The following GIGYF2 variants were observed in gnomAD, a reference collection of about 807,000 sequenced individuals.
GIGYF2 encodes GRB10 interacting GYF protein 2, also known as GRB10-interacting GYF protein 2.
A neutral mutation model predicts 208.1 loss-of-function variants in GIGYF2; 25 were observed. That is an observed-to-expected ratio of 0.12 (90% CI 0.09 to 0.17). GIGYF2 has a LOEUF of 0.17. Ranked by LOEUF, GIGYF2 falls within the 10% of genes least tolerant of loss-of-function variation. GIGYF2 has a pLI of 1.00. For missense variants in GIGYF2, 1,302 were observed against 1,579.4 expected, an observed-to-expected ratio of 0.82 and a Z score of 2.98; for synonymous variants, 534 against 543.8, an observed-to-expected ratio of 0.98 and a Z score of 0.25.
chr2:232,820,212 CTG>C (rs1365886148), intron 21 of GIGYF2, among the ~76,000 whole-genome samples: 9 of 151,990 alleles, frequency 5.9e-5, no homozygotes, highest in African/African-American at 2.2e-4. Flanking sequence ...TTTTGCTCAG[CTG>C]TATAGTGGAA....
Position 232,822,553 on chromosome 2 carries a change from C to T in GIGYF2, c.2529+2568C>T, listed in dbSNP as rs138903850. On this transcript the variant is annotated intron_variant, in intron 21 of 28. Transcript: ENST00000373563. Reference sequence around the variant, plus strand: ...AAAATTAGCTGGGCGTGGTGGCGTGCGCCTGTAATCCCAGTTACTTGGGTG... The same window carrying T: ...AAAATTAGCTGGGCGTGGTGGCGTGTGCCTGTAATCCCAGTTACTTGGGTG... Among the ~76,000 whole-genome samples the T allele has an allele frequency of 4.2e-3, 646 of 152,176 alleles. 3 individuals are homozygous for T. The highest frequency in any genetic ancestry group is 0.015 in the African/African-American group (606 of 41,532).
chr2:232,805,116 T>C (rs1700520558), intron 14 of GIGYF2, among the ~76,000 whole-genome samples: 1 of 152,182 alleles, frequency 6.6e-6, no homozygotes, highest in Non-Finnish European at 1.5e-5. Flanking sequence ...AAAAATCTTT[T>C]TATGTTTGTT....
chr2:232,809,547 G>A (rs1559448332), intron 15 of GIGYF2, among the ~76,000 whole-genome samples, 173 bp from the exon 16 acceptor site: 2 of 152,266 alleles, frequency 1.3e-5, no homozygotes, highest in East Asian at 3.9e-4. Context: ...ACTAGATGGT[G>A]TTGTTTAGTT....
At chr2:232,778,779 G>C (rs1224981378) in intron 8 of GIGYF2, among the ~76,000 whole-genome samples, 1 of 152,134 alleles carries the variant, frequency 6.6e-6, no homozygotes, top group Non-Finnish European at 1.5e-5. Context: ...TTGACAAGCT[G>C]TGGGAAAATG....
chr2:232,706,892 G>A (rs1309265844), intron 2 of GIGYF2, among the ~76,000 whole-genome samples: 1 of 150,280 alleles, frequency 6.7e-6, no homozygotes, highest in African/African-American at 2.5e-5. Context: ...GCTGTACTGA[G>A]CCGTGATTGC....
At chr2:232,716,374 G>GTTTTTTTTT (rs397988241) in intron 2 of GIGYF2, among the ~76,000 whole-genome samples, 59 of 100,268 alleles carry the variant, frequency 5.9e-4, no homozygotes, top group Non-Finnish European at 8.3e-4. Flanking sequence ...GGTGTTATTT[G>GTTTTTTTTT]TTTTTTTTTT....
At chr2:232,854,408 G>A (rs1052750653) in intron 28 of GIGYF2, among the ~76,000 whole-genome samples, 1 of 152,134 alleles carries the variant, frequency 6.6e-6, no homozygotes, top group Non-Finnish European at 1.5e-5. Flanking sequence ...TGGGAGGATC[G>A]CTTCAGCCTG....
In GIGYF2 at chr2:232,806,599, T is replaced by C. The variant is rs779014258; in HGVS notation, c.1748T>C (p.Ile583Thr). 10 of 1,613,170 alleles carry C rather than the reference T, an allele frequency of 6.2e-6. No homozygotes were observed. In the South Asian group the frequency reaches 9.9e-5, roughly 16 times the overall value. ...CDESFQPLGD[I>T]MKMWGRVPFS... Reference sequence around the variant, plus strand: ...GAAAGCTTCCAACCTCTTGGCGATATCATGAAAATGTGGGGAAGGGTTCCC... The same window carrying C: ...GAAAGCTTCCAACCTCTTGGCGATACCATGAAAATGTGGGGAAGGGTTCCC... Residue 583 changes from isoleucine (I) to threonine (T), a missense_variant, in exon 15 of 29, where the codon ATC becomes ACC. Coordinates refer to ENST00000373563, the MANE Select transcript of GIGYF2 (RefSeq NM_001103146.3). This position sits in a 1 kb window ranked among gnomAD's most constrained non-coding sequence, Gnocchi z 4.0.
intron 8 of GIGYF2, among the ~76,000 whole-genome samples, chr2:232,782,075 C>T (rs906733015): frequency 6.6e-6 from 1 of 152,038 alleles, no homozygotes; most frequent in African/African-American, 2.4e-5. Context: ...TATGTCTCAG[C>T]CTTATCTTTG....
At position 232,815,623 on chromosome 2, in the gene GIGYF2, T is replaced by TTG; in HGVS notation, c.2108-12_2108-11dup. The TTG allele has an allele frequency of 7.4e-7, 1 of 1,348,976 alleles. No individual in the cohort carries two copies. The highest frequency in any genetic ancestry group is 1.1e-6 in the Non-Finnish European group (1 of 937,952). The allele number at this position is 1,348,976 out of a possible 1,614,324, so 83.6% of individuals were successfully genotyped here. A position where few individuals can be genotyped will look rare whatever the true frequency, so the allele number is the denominator to read the frequency against. The stretch of plus-strand genomic sequence containing the variant: ...GCTCTGTCATTCCTCGTTGTTTCTT[T>TTG]TGTTGTCTTACAGTTTGGGAAGGTG... On this transcript the variant is annotated splice_polypyrimidine_tract_variant and intron_variant, in intron 18 of 28. Transcript: ENST00000373563.
chr2:232,797,055 G>C (rs182403188), intron 14 of GIGYF2, among the ~76,000 whole-genome samples: 2 of 149,428 alleles, frequency 1.3e-5, no homozygotes, highest in Non-Finnish European at 1.5e-5. Flanking sequence ...GGTGATGGCA[G>C]CAGTAGTGTT....
At chr2:232,781,297 C>T (rs899832306) in intron 8 of GIGYF2, among the ~76,000 whole-genome samples, 5 of 150,658 alleles carry the variant, frequency 3.3e-5, no homozygotes, top group African/African-American at 4.9e-5. Flanking sequence ...TACACACACA[C>T]ACACACACAC....
chr2:232,826,677 C>A (rs1404246630), intron 21 of GIGYF2, among the ~76,000 whole-genome samples: 1 of 152,026 alleles, frequency 6.6e-6, no homozygotes, highest in Non-Finnish European at 1.5e-5. Context: ...AGAACTTAAA[C>A]AAATTTACAA....
intron 21 of GIGYF2, among the ~76,000 whole-genome samples, chr2:232,824,133 G>A (rs547406671): frequency 1.3e-5 from 2 of 152,084 alleles, no homozygotes; most frequent in South Asian, 2.1e-4. Flanking sequence ...CCTCTCCTTC[G>A]ACCTCCCTAT....
At chr2:232,853,086 C>A (rs1425300277) in intron 28 of GIGYF2, among the ~76,000 whole-genome samples, 2 of 152,224 alleles carry the variant, frequency 1.3e-5, no homozygotes, top group African/African-American at 4.8e-5. Flanking sequence ...AAATTCCTCT[C>A]ATAATTGCTC....
intron 6 of GIGYF2, 63 bp from the exon 7 acceptor site, chr2:232,760,417 G>T: frequency 1.0e-6 from 1 of 997,460 alleles, no homozygotes; most frequent in Admixed American, 1.8e-5. Flanking sequence ...TTAATTTATG[G>T]TGGTGAATGT....
At position 232,791,137 on chromosome 2, in the gene GIGYF2, AAAG is replaced by A. The variant is rs1700058250; in HGVS notation, c.1064_1066del (p.Glu355del). On this transcript the variant is annotated inframe_deletion, in exon 11 of 29. Transcript: ENST00000373563. Reference sequence around the variant, plus strand: ...CAAAGAACCCGATAAGACAAATAAGAAAGAAGGAGAGAAAACAGATAGAGTAGG... The same window carrying A: ...CAAAGAACCCGATAAGACAAATAAGAAAGGAGAGAAAACAGATAGAGTAGG... The A allele has an allele frequency of 1.2e-6, 2 of 1,614,084 alleles. No homozygotes were observed. Among genetic ancestry groups the A allele is most frequent in the Non-Finnish European group, 1.7e-6 (2 of 1,179,988 alleles).
chr2:232,785,771 A>T (rs1574882737), intron 8 of GIGYF2, among the ~76,000 whole-genome samples: 1 of 152,246 alleles, frequency 6.6e-6, no homozygotes, highest in Non-Finnish European at 1.5e-5. Context: ...GACAAGCAGG[A>T]TGCTGAATCT....
rs182956734 is a variant in GIGYF2, at chr2:232,817,161, A to T, written c.2370+129A>T. ...GGTTAGAACCTTAGAAGACTCACTC[A>T]CCTTTGGAAAGAATCTCTGTTTTTC... On this transcript the variant is annotated intron_variant, in intron 20 of 28. Coordinates refer to ENST00000373563, the MANE Select transcript of GIGYF2 (RefSeq NM_001103146.3). 1.5e-4 allele frequency: 114 copies of T among 774,308 alleles called. 1 individual carries two copies. The African/African-American group carries it at 1.9e-3, about 13-fold the overall frequency. The allele number at this position is 774,308 out of a possible 1,614,324, so 48.0% of individuals were successfully genotyped here.
Sources: allele counts gnomAD v4.1 joint callset (sites outside exome capture counted in the v4.1 genomes callset), GRCh38; gene constraint gnomAD v4.1.1; non-coding constraint Gnocchi (gnomAD v3.1); transcripts MANE v1.5; gene names NCBI Gene and HGNC (gene_info 2026-07-23, HGNC 2026-07-21).